KLB: variants seen among roughly 807,000 people sequenced by gnomAD.
KLB encodes klotho beta.
KLB carries 44 observed loss-of-function variants against 88.4 expected under a neutral mutation model. The ratio of observed to expected loss-of-function variants is 0.50; its 90% CI spans 0.39 to 0.64. The LOEUF is 0.64. KLB is among the 30% of genes least tolerant of loss of function. The probability of loss-of-function intolerance (pLI) is 0.00; values close to 1 mark genes in which losing one functional copy is unlikely to be tolerated. For missense variants in KLB, 1,137 were observed against 1,304.8 expected (o/e 0.87, Z 1.98); for synonymous variants, 548 against 513.4 (o/e 1.07, Z -0.91).
chr4:39,428,797 C>T (rs1743276132), intron 1 of KLB, among the ~76,000 whole-genome samples: 1 of 152,132 alleles, frequency 6.6e-6, no homozygotes, highest in Non-Finnish European at 1.5e-5. Context: ...ACCTCTGCCT[C>T]CCAGGGTTCA....
intron 1 of KLB, among the ~76,000 whole-genome samples, chr4:39,428,478 C>T (rs1164040667): frequency 2.0e-5 from 3 of 151,140 alleles, no homozygotes; most frequent in Non-Finnish European, 4.4e-5. Flanking sequence ...CCATTCCTGG[C>T]ATTAATGAAA....
chr4:39,434,719 A>G lies in KLB; in HGVS notation c.1335A>G (p.Gln445=), dbSNP rs762824900. Residue 445 remains glutamine, a splice_region_variant and synonymous_variant, in exon 2 of 5, where the codon CAA becomes CAG. Transcript: ENST00000257408. ...MMKNFLSQVL[Q]AIRLDEIRVF... is the part of the protein sequence containing the mutation. ...AGAATTTCCTCAGCCAGGTGCTTCA[A>G]GGTTGGTTGTACACTTGCTTAATTT... The G allele has an allele frequency of 3.7e-6, 6 of 1,609,544 alleles. No individual in the cohort carries two copies. The highest frequency in any genetic ancestry group is 5.1e-6 in the Non-Finnish European group (6 of 1,178,202).
chr4:39,417,532 T>C (rs1742990241), intron 1 of KLB, among the ~76,000 whole-genome samples: 1 of 152,136 alleles, frequency 6.6e-6, no homozygotes, highest in African/African-American at 2.4e-5. Context: ...AGACTGGTCT[T>C]GAACTCCTAA....
At position 39,447,001 on chromosome 4, in the gene KLB, A is replaced by G; in HGVS notation, c.2275A>G (p.Arg759Gly). ...CAACCCCTATGCTGACTCGCACTGGAGGGCGGCCGAGCGCTTCCTGCAGTT... is the reference window on the plus strand; with the variant it reads ...CAACCCCTATGCTGACTCGCACTGGGGGGCGGCCGAGCGCTTCCTGCAGTT... ...PANPYADSHW[R>G]AAERFLQFEI... Residue 759 changes from arginine to glycine, a missense_variant, in exon 4 of 5, where the codon AGG (arginine) becomes GGG (glycine). Physicochemically the swap from Arg to Gly is moderately radical, Grantham distance 125. Around this residue, in one of 4 missense-constraint regions of KLB, gnomAD observed 426 missense variants for 404.6 expected, o/e 1.05. Transcript: ENST00000257408. 1 of 1,610,028 alleles carries G rather than the reference A, an allele frequency of 6.2e-7. No homozygotes were observed. Among genetic ancestry groups the G allele is most frequent in the Non-Finnish European group, 8.5e-7 (1 of 1,179,924 alleles).
intron 3 of KLB, among the ~76,000 whole-genome samples, chr4:39,442,520 G>A (rs748833787): frequency 3.1e-4 from 46 of 147,614 alleles, no homozygotes; most frequent in African/African-American, 1.2e-3. Context: ...TGCAACCTCT[G>A]CCTCCCGGGT....
At position 39,407,320 on chromosome 4, in the gene KLB, C is replaced by G. The variant is rs760534173; in HGVS notation, c.371C>G (p.Thr124Arg). ...IHTHLKNVSS[T>R]NGSSDSYIFL... ...ACACACCTTAAAAATGTCAGCAGCACGAATGGTTCCAGTGACAGTTATATT... is the reference window on the plus strand; with the variant it reads ...ACACACCTTAAAAATGTCAGCAGCAGGAATGGTTCCAGTGACAGTTATATT... The change falls in exon 1 of 5, where the codon ACG becomes AGG. Residue 124 changes from threonine (T) to arginine (R), a missense_variant. Physicochemically the swap from Thr to Arg is moderately conservative, Grantham distance 71. Coordinates refer to ENST00000257408, the MANE Select transcript of KLB (RefSeq NM_175737.4). 6.2e-7 allele frequency: 1 copy of G among 1,614,098 alleles called. No homozygotes were observed.
rs1361817489 is a variant in KLB at position 39,448,546 on chromosome 4, T to C, written c.2995T>C (p.Phe999Leu). ...CCTTGTGCAGAAGAAACCACTGATA[T>C]TCCTGGGTTGTTGCTTCTTCTCCAC... Reference protein sequence around the residue: ...LFLVQKKPLIFLGCCFFSTLV... With the variant: ...LFLVQKKPLILLGCCFFSTLV... Residue 999 changes from phenylalanine to leucine, a missense_variant, in exon 5 of 5, where the codon TTC (phenylalanine) becomes CTC (leucine). By Grantham distance (22) the Phe-to-Leu change is conservative. Around this residue, in one of 4 missense-constraint regions of KLB, gnomAD observed 426 missense variants for 404.6 expected, o/e 1.05. Transcript: ENST00000257408. 2.5e-6 allele frequency: 4 copies of C among 1,614,130 alleles called. No homozygotes were observed. The highest frequency in any genetic ancestry group is 2.2e-5 in the East Asian group (1 of 44,894).
chr4:39,408,545 A>G (rs916953401), intron 1 of KLB, among the ~76,000 whole-genome samples: 2 of 152,190 alleles, frequency 1.3e-5, no homozygotes, highest in African/African-American at 4.8e-5. Context: ...GTTACAGTTG[A>G]TCCTCTTAAC....
intron 1 of KLB, among the ~76,000 whole-genome samples, chr4:39,425,253 G>C (rs886519648): frequency 6.6e-6 from 1 of 151,986 alleles, no homozygotes; most frequent in African/African-American, 2.4e-5. Context: ...TTTTCCTTTT[G>C]TGTTGCCAGG....
At chr4:39,431,328 T>C (rs947248981) in intron 1 of KLB, among the ~76,000 whole-genome samples, 9 of 152,146 alleles carry the variant, frequency 5.9e-5, no homozygotes, top group African/African-American at 1.9e-4. Context: ...ACTGCATCAC[T>C]GCAACCTCCG....
At chr4:39,415,482 A>T (rs1421496187) in intron 1 of KLB, among the ~76,000 whole-genome samples, 3 of 152,084 alleles carry the variant, frequency 2.0e-5, no homozygotes, top group Non-Finnish European at 4.4e-5. Flanking sequence ...TGATAGAGGG[A>T]GACTGCATCT....
In KLB at chr4:39,445,817, C is replaced by T. The variant is rs543510648; in HGVS notation, c.1606-515C>T. Among the ~76,000 whole-genome samples, 295 of 151,924 alleles carry T rather than the reference C, an allele frequency of 1.9e-3. 2 individuals carry two copies. The highest frequency in any genetic ancestry group is 3.1e-3 in the South Asian group (15 of 4,814). ...GATTACAGGCATGAGCCACCGCGCC[C>T]GGCCTGGATTTTTTAAATACAAGTT... On this transcript the variant is annotated intron_variant, in intron 3 of 4. Coordinates refer to ENST00000257408, the MANE Select transcript of KLB (RefSeq NM_175737.4).
In KLB at chr4:39,448,681, A is replaced by G; in HGVS notation, c.3130A>G (p.Ser1044Gly). ...ATTAAAGAAAGGCAAGAGAGTTGTT[A>G]GCTAAACTGATCTGTCTGCATGATA... is the stretch of plus-strand genomic sequence containing the variant. ...IPLKKGKRVV[S>G] is the part of the protein sequence containing the mutation. Residue 1044 changes from serine to glycine, a missense_variant, in exon 5 of 5, where the codon AGC (serine) becomes GGC (glycine). Ser to Gly is a moderately conservative substitution (Grantham distance 56). This residue lies in a region of KLB where 426 missense variants were observed against 404.6 expected (regional missense o/e 1.05). Transcript: ENST00000257408. 1 of 1,606,882 alleles carries G rather than the reference A, an allele frequency of 6.2e-7. No individual in the cohort carries two copies. Among genetic ancestry groups the G allele is most frequent in the East Asian group, 2.2e-5 (1 of 44,868 alleles).
At chr4:39,435,276 C>A (rs1318963919) in intron 2 of KLB, among the ~76,000 whole-genome samples, 1 of 151,668 alleles carries the variant, frequency 6.6e-6, no homozygotes, top group East Asian at 1.9e-4. Context: ...TGCCACCACA[C>A]CCAGCTAATT....
intron 3 of KLB, among the ~76,000 whole-genome samples, chr4:39,439,540 AT>A (rs1743550845): frequency 6.6e-6 from 1 of 152,032 alleles, no homozygotes; most frequent in Non-Finnish European, 1.5e-5. Flanking sequence ...ATTTTGGCTC[AT>A]TGTAACCTCT....
At chr4:39,442,165 G>T (rs1743612979) in intron 3 of KLB, among the ~76,000 whole-genome samples, 1 of 151,760 alleles carries the variant, frequency 6.6e-6, no homozygotes, top group Non-Finnish European at 1.5e-5. Context: ...AATCGCTTGA[G>T]CCCGGGAGGA....
In KLB at chr4:39,448,690, G is replaced by C. The variant is rs929582587; in HGVS notation, c.*4G>C. The C allele has an allele frequency of 6.2e-7, 1 of 1,603,688 alleles. No individual in the cohort carries two copies. Among genetic ancestry groups the C allele is most frequent in the South Asian group, 1.1e-5 (1 of 90,736 alleles). Reference sequence around the variant, plus strand: ...AGGCAAGAGAGTTGTTAGCTAAACTGATCTGTCTGCATGATAGACAGTTTA... The same window carrying C: ...AGGCAAGAGAGTTGTTAGCTAAACTCATCTGTCTGCATGATAGACAGTTTA... On this transcript the variant is annotated 3_prime_UTR_variant, in exon 5 of 5. Coordinates refer to ENST00000257408, the MANE Select transcript of KLB (RefSeq NM_175737.4).
In KLB at chr4:39,407,118, G is replaced by A; in HGVS notation, c.169G>A (p.Gly57Arg). The A allele has an allele frequency of 3.7e-6, 6 of 1,614,176 alleles. No homozygotes were observed. The highest frequency in any genetic ancestry group is 5.1e-6 in the Non-Finnish European group (6 of 1,180,024). ...LRAVTGFSGD[G>R]RAIWSKNPNF... ...AGCTGTTACTGGATTCTCTGGAGAT[G>A]GAAGAGCTATATGGTCTAAAAATCC... The change falls in exon 1 of 5, where the codon GGA becomes AGA. Residue 57 changes from glycine to arginine, a missense_variant. Physicochemically the swap from Gly to Arg is moderately radical, Grantham distance 125 (BLOSUM62 -2). Transcript: ENST00000257408.
intron 2 of KLB, 149 bp downstream of exon 2, chr4:39,434,869 C>A: frequency 3.0e-6 from 2 of 656,900 alleles, no homozygotes; most frequent in South Asian, 4.1e-5. Flanking sequence ...TGCAGTGGCA[C>A]CATCTTGGCT....
Sources: gnomAD v4.1 joint callset for allele counts (sites outside exome capture counted in the v4.1 genomes callset) on GRCh38, gnomAD v4.1.1 for gene constraint, gnomAD v4.1.1 regional missense constraint, MANE v1.5 for transcripts, NCBI Gene and HGNC (gene_info 2026-07-23, HGNC 2026-07-21) for gene names.